DGKD: variants seen among roughly 807,000 people sequenced by gnomAD.
The protein encoded by DGKD is DAG kinase delta.
In DGKD, 68 loss-of-function variants were observed where a neutral mutation model predicts 154.4. The observed-to-expected ratio is 0.44, with a 90% CI of 0.36 to 0.54. The LOEUF (loss-of-function observed/expected upper bound fraction) is 0.54. Among genes scored for constraint, DGKD ranks in the 20% least tolerant of loss-of-function variants. The probability of loss-of-function intolerance (pLI) is 0.00; values close to 1 mark genes in which losing one functional copy is unlikely to be tolerated. For synonymous variants in DGKD, 693 were observed against 638.0 expected (o/e 1.09, Z -1.30); for missense variants, 1,343 against 1,593.6 (o/e 0.84, Z 2.68).
rs746944592 is a variant in DGKD, at chr2:233,462,430, C to T, written c.3064C>T (p.Arg1022Cys). Residue 1022 changes from arginine to cysteine, a missense_variant, in exon 25 of 30, where the codon CGT becomes TGT. This residue lies in a region of DGKD where 429 missense variants were observed against 496.3 expected (regional missense o/e 0.86). Transcript: ENST00000264057. Reference sequence around the variant, plus strand: ...CAATGCCAGCTCCAAGTCCATGGACCGTGTGTATGGCAAGCCCAGAACCAC... The same window carrying T: ...CAATGCCAGCTCCAAGTCCATGGACTGTGTGTATGGCAAGCCCAGAACCAC... ...AVNASSKSMD[R>C]VYGKPRTTEG... 1.5e-5 allele frequency: 24 copies of T among 1,601,938 alleles called. No individual in the cohort carries two copies. Among genetic ancestry groups the T allele is most frequent in the Admixed American group, 5.0e-5 (3 of 59,832 alleles).
At chr2:233,418,829 A>G (rs1015119748) in intron 3 of DGKD, among the ~76,000 whole-genome samples, 1 of 152,142 alleles carries the variant, frequency 6.6e-6, no homozygotes, top group Admixed American at 6.5e-5. Flanking sequence ...CAGACAGGGC[A>G]GCGTGCAGAG....
chr2:233,433,401 T>C (rs1309676614), intron 3 of DGKD, among the ~76,000 whole-genome samples: 1 of 150,698 alleles, frequency 6.6e-6, no homozygotes, highest in Non-Finnish European at 1.5e-5. Flanking sequence ...AGAAAACAGT[T>C]GAACTAATGG....
Position 233,444,562 on chromosome 2 carries a change from G to A in DGKD, c.1195-1061G>A, listed in dbSNP as rs905449396. ...GGAGCACCATCCATGCCTGCTGTGC[G>A]CTGCTCTCCTTTTCCTTTAAGGCTC... On this transcript the variant is annotated intron_variant, in intron 10 of 29. Coordinates refer to ENST00000264057, the MANE Select transcript of DGKD (RefSeq NM_152879.3). Among the ~76,000 whole-genome samples, 7 of 150,638 alleles carry A rather than the reference G, an allele frequency of 4.6e-5. No homozygotes were observed. In the East Asian group the frequency reaches 5.9e-4, roughly 13 times the overall value.
At position 233,457,962 on chromosome 2, in the gene DGKD, G is replaced by C; in HGVS notation, c.2581-322G>C. ...GCTTCCTGCACACGTGGTGTGTGCT[G>C]GCCCCAGTCCTGGCACTCTGCAGCG... On this transcript the variant is annotated intron_variant, in intron 21 of 29. Coordinates refer to ENST00000264057, the MANE Select transcript of DGKD (RefSeq NM_152879.3). The surrounding 1 kb of genome is among the most constrained non-coding windows in gnomAD (Gnocchi z 5.5). 1 of 384,666 alleles carries C rather than the reference G, an allele frequency of 2.6e-6. No homozygotes were observed. Among genetic ancestry groups the C allele is most frequent in the Non-Finnish European group, 4.9e-6 (1 of 204,946 alleles). 23.8% of individuals were successfully genotyped at this position (384,666 alleles called of 1,614,324 possible).
At chr2:233,380,701 A>G (rs1174874112) in intron 1 of DGKD, among the ~76,000 whole-genome samples, 4 of 152,114 alleles carry the variant, frequency 2.6e-5, no homozygotes, top group Admixed American at 2.6e-4. Flanking sequence ...AACACCACAT[A>G]CCGCAGCATA....
intron 17 of DGKD, among the ~76,000 whole-genome samples, chr2:233,451,458 A>G (rs774609997): frequency 1.4e-4 from 21 of 152,068 alleles, no homozygotes; most frequent in Non-Finnish European, 2.4e-4. Context: ...GCATTCCTTG[A>G]TATTCATTCC....
chr2:233,379,165 A>G (rs1162173831), intron 1 of DGKD, among the ~76,000 whole-genome samples: 1 of 152,164 alleles, frequency 6.6e-6, no homozygotes, highest in Non-Finnish European at 1.5e-5. Context: ...GGTGATAGCT[A>G]GTTCTGCCTG....
In DGKD at chr2:233,449,969, T is replaced by G. The variant is rs41270765; in HGVS notation, c.1889-13T>G. The G allele has an allele frequency of 6.8e-3, 10,778 of 1,577,660 alleles. 91 individuals carry two copies. The highest frequency in any genetic ancestry group is 0.025 in the Admixed American group (1,396 of 55,602). On this transcript the variant is annotated splice_polypyrimidine_tract_variant and intron_variant, in intron 15 of 29. Coordinates refer to ENST00000264057, the MANE Select transcript of DGKD (RefSeq NM_152879.3). This position sits in a 1 kb window ranked among gnomAD's most constrained non-coding sequence, Gnocchi z 5.3. ...CACCCGCGTGCTCAGCCGCACACAC[T>G]CTCCTTGCACAGCTGTCGATGAGCA...
In DGKD at chr2:233,449,885, C is replaced by A. The variant is rs1486859820; in HGVS notation, c.1889-97C>A. 5.0e-6 allele frequency: 7 copies of A among 1,401,406 alleles called. No homozygotes were observed. Among genetic ancestry groups the A allele is most frequent in the South Asian group, 4.5e-5 (3 of 66,926 alleles). 86.8% of individuals were successfully genotyped at this position (1,401,406 alleles called of 1,614,324 possible). On this transcript the variant is annotated intron_variant, in intron 15 of 29. Coordinates refer to ENST00000264057, the MANE Select transcript of DGKD (RefSeq NM_152879.3). This position sits in a 1 kb window ranked among gnomAD's most constrained non-coding sequence, Gnocchi z 5.3. ...TAGCCAGAGGTTGTTTGAGGAAGATCAGGCCGTGGGGTGAGGATGAGGGGC... is the reference window on the plus strand; with the variant it reads ...TAGCCAGAGGTTGTTTGAGGAAGATAAGGCCGTGGGGTGAGGATGAGGGGC...
At chr2:233,369,706 G>A (rs532993209) in intron 1 of DGKD, among the ~76,000 whole-genome samples, 2 of 152,298 alleles carry the variant, frequency 1.3e-5, no homozygotes, top group East Asian at 3.9e-4. Flanking sequence ...TGGCCGTGGG[G>A]TGATCGGCCA....
At chr2:233,414,650 T>G (rs1171727719) in intron 3 of DGKD, among the ~76,000 whole-genome samples, 1 of 152,250 alleles carries the variant, frequency 6.6e-6, no homozygotes, top group African/African-American at 2.4e-5. Flanking sequence ...GTACAGGACC[T>G]TGTCTCTGCG....
At chr2:233,363,424 A>G (rs1701877748) in intron 1 of DGKD, among the ~76,000 whole-genome samples, 1 of 152,232 alleles carries the variant, frequency 6.6e-6, no homozygotes, top group South Asian at 2.1e-4. Flanking sequence ...TGTGTGTTTC[A>G]AGCTAAATGT....
At position 233,434,920 on chromosome 2, in the gene DGKD, T is replaced by G; in HGVS notation, c.586+19T>G. On this transcript the variant is annotated intron_variant, in intron 5 of 29. Transcript: ENST00000264057. ...TGCGAGGGTACGGATGTGCGTTTGTTATTCTGTCAGGAAAGGTGGCCTGGC... is the reference window on the plus strand; with the variant it reads ...TGCGAGGGTACGGATGTGCGTTTGTGATTCTGTCAGGAAAGGTGGCCTGGC... The G allele has an allele frequency of 6.3e-7, 1 of 1,598,784 alleles. No individual in the cohort carries two copies. Among genetic ancestry groups the G allele is most frequent in the Non-Finnish European group, 8.5e-7 (1 of 1,172,374 alleles).
chr2:233,453,808 C>T (rs1265035579), intron 18 of DGKD, among the ~76,000 whole-genome samples: 1 of 151,514 alleles, frequency 6.6e-6, no homozygotes, highest in East Asian at 1.9e-4. Context: ...AGCAGGACTT[C>T]CAGCTGGGTG....
At chr2:233,400,781 T>C (rs148028827) in intron 3 of DGKD, among the ~76,000 whole-genome samples, 1 of 152,272 alleles carries the variant, frequency 6.6e-6, no homozygotes, top group Non-Finnish European at 1.5e-5. Context: ...GAGCTAGAGC[T>C]CGACAGGCCT....
chr2:233,463,824 G>A (rs368136143), intron 26 of DGKD: 6 of 309,018 alleles, frequency 1.9e-5, no homozygotes, highest in South Asian at 1.7e-4. Flanking sequence ...TGCAAGGTTC[G>A]ACTGCTGACT....
intron 1 of DGKD, among the ~76,000 whole-genome samples, chr2:233,374,692 C>T (rs1409686392): frequency 6.6e-6 from 1 of 151,780 alleles, no homozygotes; most frequent in South Asian, 2.1e-4. Context: ...ATCCAGGCTG[C>T]AGTGCAGTGG....
At chr2:233,418,161 G>A (rs943802054) in intron 3 of DGKD, among the ~76,000 whole-genome samples, 3 of 152,174 alleles carry the variant, frequency 2.0e-5, no homozygotes, top group African/African-American at 7.2e-5. Flanking sequence ...ACATACCATT[G>A]TGTGAGCATG....
At chr2:233,361,808 C>A (rs566590997) in intron 1 of DGKD, among the ~76,000 whole-genome samples, 59 of 150,986 alleles carry the variant, frequency 3.9e-4, no homozygotes, top group African/African-American at 1.4e-3. Context: ...TTTTTTTTTT[C>A]TTTTAAGACG....
Sources: allele counts gnomAD v4.1 joint callset (sites outside exome capture counted in the v4.1 genomes callset), GRCh38; gene constraint gnomAD v4.1.1; regional missense constraint gnomAD v4.1.1; non-coding constraint Gnocchi (gnomAD v3.1); transcripts MANE v1.5; gene names NCBI Gene and HGNC (gene_info 2026-07-23, HGNC 2026-07-21).